The following GLYATL2 variants were observed in gnomAD, a reference collection of about 807,000 sequenced individuals.
The protein encoded by GLYATL2 is glycine-N-acyltransferase like 2.
GLYATL2 carries 25 observed loss-of-function variants against 21.4 expected under a neutral mutation model. That is an observed-to-expected ratio of 1.17 (90% CI 0.85 to 1.63). The LOEUF (loss-of-function observed/expected upper bound fraction) is 1.63, where lower values mean the gene tolerates loss of function less well. Among genes scored for constraint, GLYATL2 ranks in the 40% most tolerant of loss-of-function variants. The probability of loss-of-function intolerance (pLI) is 0.00; values close to 1 mark genes in which losing one functional copy is unlikely to be tolerated. For synonymous variants in GLYATL2, 114 were observed against 118.2 expected, an observed-to-expected ratio of 0.96 and a Z score of 0.23; for missense variants, 361 against 343.3, an observed-to-expected ratio of 1.05 and a Z score of -0.41.
At chr11:58,888,394 C>T (rs917726790) in intron 1 of GLYATL2, among the ~76,000 whole-genome samples, 7 of 151,864 alleles carry the variant, frequency 4.6e-5, no homozygotes, top group Admixed American at 4.6e-4. Context: ...TTTTCCTACT[C>T]CAAGATCATA....
chr11:58,898,496 T>TA lies in GLYATL2; in HGVS notation n.60+5659dup, dbSNP rs566054837. Among the ~76,000 whole-genome samples, 434 of 147,268 alleles carry TA rather than the reference T, an allele frequency of 2.9e-3. 2 individuals are homozygous for TA. The highest frequency in any genetic ancestry group is 0.01 in the African/African-American group (415 of 40,352). On this transcript the variant is annotated intron_variant and non_coding_transcript_variant, in intron 1 of 4. Coordinates refer to the GLYATL2 transcript ENST00000533636. ...TATTGTTTCCTCTTTTTTTTTTTTTTATCTGCTCTTATCTGAGATCTCTGT... is the reference window on the plus strand; with the variant it reads ...TATTGTTTCCTCTTTTTTTTTTTTTTAATCTGCTCTTATCTGAGATCTCTGT...
chr11:58,865,533 A>G lies in GLYATL2; in HGVS notation n.61-27165T>C, dbSNP rs1854008486. ...CACAAAATGGAAACCAGCATTTTCC[A>G]AAACAAAGAACAACGGCTTGGGATT... On this transcript the variant is annotated intron_variant and non_coding_transcript_variant, in intron 1 of 4. Transcript: ENST00000533636. Among the ~76,000 whole-genome samples, 4 of 149,374 alleles carry G rather than the reference A, an allele frequency of 2.7e-5. No homozygotes were observed. In the South Asian group the frequency reaches 8.6e-4, roughly 32 times the overall value.
rs1854638094 is a variant in GLYATL2 at position 58,896,537 on chromosome 11, C to T, written n.60+7619G>A. ...CTAGACAAATGATGCTGCTTCCCTG[C>T]CATCTCTAGCCCAAGTGCCAAATGG... is the stretch of plus-strand genomic sequence containing the variant. On this transcript the variant is annotated intron_variant and non_coding_transcript_variant, in intron 1 of 4. Coordinates refer to the GLYATL2 transcript ENST00000533636. 2.0e-5 allele frequency among the ~76,000 whole-genome samples: 3 copies of T among 152,322 alleles called. No homozygotes were observed. The South Asian group carries it at 6.2e-4, about 32-fold the overall frequency.
intron 1 of GLYATL2, among the ~76,000 whole-genome samples, chr11:58,887,670 A>C (rs1854467628): frequency 6.6e-6 from 1 of 152,186 alleles, no homozygotes; most frequent in South Asian, 2.1e-4. Context: ...TCAATGCAGC[A>C]TTAACATATT....
intron 1 of GLYATL2, among the ~76,000 whole-genome samples, chr11:58,884,686 G>T (rs576311456): frequency 6.6e-6 from 1 of 152,110 alleles, no homozygotes; most frequent in Non-Finnish European, 1.5e-5. Context: ...GAAGGGCATG[G>T]GGTTTGGAGC....
At chr11:58,867,869 A>T (rs2134600069) in intron 1 of GLYATL2, among the ~76,000 whole-genome samples, 1 of 149,010 alleles carries the variant, frequency 6.7e-6, no homozygotes, top group South Asian at 2.2e-4. Flanking sequence ...AGTCCTGCAG[A>T]GTAACCACTC....
chr11:58,839,684 T>C, intron 1 of GLYATL2, 32 bp from the exon 2 acceptor site: 1 of 1,051,748 alleles, frequency 9.5e-7, no homozygotes, highest in Non-Finnish European at 1.4e-6. Context: ...CAAAAATACC[T>C]AGAGAGATAT....
upstream of GLYATL2, among the ~76,000 whole-genome samples, chr11:58,848,220 A>C (rs1853677980): frequency 1.3e-5 from 2 of 152,122 alleles, no homozygotes; most frequent in Admixed American, 1.3e-4. Context: ...AAGCCTTTCC[A>C]ACAAGGATGG....
intron 2 of GLYATL2, among the ~76,000 whole-genome samples, chr11:58,838,696 T>C (rs931017430): frequency 6.6e-6 from 1 of 152,218 alleles, no homozygotes; most frequent in Admixed American, 6.5e-5. Flanking sequence ...GCATCTATTA[T>C]GTATCAGGTC....
intron 5 of GLYATL2, 79 bp from the exon 6 acceptor site, chr11:58,834,916 T>G: frequency 9.2e-7 from 1 of 1,081,690 alleles, no homozygotes; most frequent in Non-Finnish European, 1.3e-6. Context: ...TATAACACCA[T>G]TCCTTTCCTT....
In GLYATL2 at chr11:58,834,715, A is replaced by G; in HGVS notation, c.599T>C (p.Leu200Pro). ...CTCTGGACCCAGCACACCAAATCCT[A>G]GAAAATCCTGGAGGCAGCGTTCAAT... is the stretch of plus-strand genomic sequence containing the variant. The part of the protein sequence containing the change: ...KYIERCLQDF[L>P]GFGVLGPEGQ... The change falls in exon 6 of 6, where the codon CTA (leucine) becomes CCA (proline). Residue 200 changes from leucine to proline, a missense_variant. Coordinates refer to ENST00000287275, the MANE Select transcript of GLYATL2 (RefSeq NM_145016.4). The G allele has an allele frequency of 6.2e-7, 1 of 1,613,746 alleles. No individual in the cohort carries two copies. Among genetic ancestry groups the G allele is most frequent in the Non-Finnish European group, 8.5e-7 (1 of 1,179,998 alleles).
chr11:58,869,196 A>T (rs1854072474), intron 1 of GLYATL2, among the ~76,000 whole-genome samples: 2 of 152,252 alleles, frequency 1.3e-5, no homozygotes, highest in African/African-American at 2.4e-5. Flanking sequence ...GACTGTTCGC[A>T]TGTGTCTGAT....
In GLYATL2 at chr11:58,865,070, T is replaced by A. The variant is rs1302503765; in HGVS notation, n.61-26702A>T. 2.0e-5 allele frequency among the ~76,000 whole-genome samples: 3 copies of A among 148,874 alleles called. 1 individual carries two copies. Among genetic ancestry groups the A allele is most frequent in the Non-Finnish European group, 4.5e-5 (3 of 67,142 alleles). ...TGATGGTTTCATGAGTATGTATTCA[T>A]CTCTATCTTCATCAAGGTTTACACA... On this transcript the variant is annotated intron_variant and non_coding_transcript_variant, in intron 1 of 4. Transcript: ENST00000533636.
upstream of GLYATL2, among the ~76,000 whole-genome samples, chr11:58,906,118 G>A (rs1172436885): frequency 6.6e-6 from 1 of 152,160 alleles, no homozygotes; most frequent in Non-Finnish European, 1.5e-5. Context: ...TCTTTGAGTG[G>A]TTTTTCTGGT....
At chr11:58,848,083 C>T (rs1853675350), upstream of GLYATL2, among the ~76,000 whole-genome samples, 1 of 148,346 alleles carries the variant, frequency 6.7e-6, no homozygotes, top group Admixed American at 6.8e-5. Flanking sequence ...TCTCCCATAT[C>T]TTCTCCAAGA....
In GLYATL2 at chr11:58,884,446, T is replaced by C. The variant is rs190532249; in HGVS notation, n.60+19710A>G. ...GACAAACAGAGAGCCAAATAATGAG[T>C]GAACTCCCATTCACAATTGCTTCAA... On this transcript the variant is annotated intron_variant and non_coding_transcript_variant, in intron 1 of 4. Coordinates refer to the GLYATL2 transcript ENST00000533636. Among the ~76,000 whole-genome samples the C allele has an allele frequency of 1.5e-3, 226 of 152,236 alleles. 2 individuals are homozygous for C. The highest frequency in any genetic ancestry group is 5.0e-3 in the African/African-American group (207 of 41,536).
chr11:58,872,946 C>A (rs1334978267), intron 1 of GLYATL2, among the ~76,000 whole-genome samples: 2 of 152,144 alleles, frequency 1.3e-5, no homozygotes, highest in East Asian at 3.9e-4. Context: ...TCGTTTGTAT[C>A]CTCTTTTATT....
At chr11:58,891,446 T>C (rs1854541816) in intron 1 of GLYATL2, among the ~76,000 whole-genome samples, 1 of 152,204 alleles carries the variant, frequency 6.6e-6, no homozygotes, top group Non-Finnish European at 1.5e-5. Context: ...TTGTCACTAT[T>C]TGAGTAGGCT....
chr11:58,860,568 C>T (rs1423945567), intron 1 of GLYATL2, among the ~76,000 whole-genome samples: 1 of 152,096 alleles, frequency 6.6e-6, no homozygotes, highest in Non-Finnish European at 1.5e-5. Flanking sequence ...TAGCTACTTC[C>T]TTTCCAATTT....
Sources: gnomAD v4.1 joint callset for allele counts (sites outside exome capture counted in the v4.1 genomes callset) on GRCh38, gnomAD v4.1.1 for gene constraint, MANE v1.5 for transcripts, NCBI Gene and HGNC (gene_info 2026-07-23, HGNC 2026-07-21) for gene names.